TOPAZ1: variants seen among roughly 807,000 people sequenced by gnomAD.
The protein encoded by TOPAZ1 is protein TOPAZ1.
In TOPAZ1, 66 loss-of-function variants were observed where a neutral mutation model predicts 172.2. That is an observed-to-expected ratio of 0.38 (90% confidence interval 0.31 to 0.47). The LOEUF (loss-of-function observed/expected upper bound fraction) is 0.47, where lower values mean the gene tolerates loss of function less well. Ranked by LOEUF, TOPAZ1 falls within the 20% of genes least tolerant of loss-of-function variation. TOPAZ1 has a pLI of 0.99. For missense variants in TOPAZ1, 1,822 were observed against 1,972.4 expected (o/e 0.92, Z 1.44); for synonymous variants, 681 against 683.9 (o/e 1.00, Z 0.07).
At chr3:44,303,920 C>T in intron 12 of TOPAZ1, 95 bp from the exon 13 acceptor site, 2 of 650,888 alleles carry the variant, frequency 3.1e-6, no homozygotes, top group Non-Finnish European at 4.8e-6. Context: ...ATTTTTTCTT[C>T]TGGTTTCTTA....
chr3:44,268,798 G>T (rs537149531), intron 6 of TOPAZ1, among the ~76,000 whole-genome samples: 3 of 152,084 alleles, frequency 2.0e-5, no homozygotes, highest in South Asian at 2.1e-4. Context: ...TCATATTGAG[G>T]GTTAGGGCTT....
At chr3:44,331,224 G>GT (rs1700664728) in intron 19 of TOPAZ1, among the ~76,000 whole-genome samples, 1 of 152,148 alleles carries the variant, frequency 6.6e-6, no homozygotes, top group South Asian at 2.1e-4. Context: ...AATTTAGGGT[G>GT]TTACAACCAG....
intron 15 of TOPAZ1, 66 bp from the exon 16 acceptor site, chr3:44,309,759 T>C (rs1017743070): frequency 2.3e-5 from 27 of 1,163,634 alleles, no homozygotes; most frequent in Non-Finnish European, 2.9e-5. Flanking sequence ...TTGTGAATAA[T>C]TATCAGTGGC....
chr3:44,276,711 T>C (rs557798403), intron 8 of TOPAZ1, among the ~76,000 whole-genome samples: 176 of 149,540 alleles, frequency 1.2e-3, no homozygotes, highest in African/African-American at 4.2e-3. Context: ...TTTAGGGTTG[T>C]TTTTCTATGT....
At chr3:44,290,188 T>C (rs1005762434) in intron 11 of TOPAZ1, among the ~76,000 whole-genome samples, 2 of 152,218 alleles carry the variant, frequency 1.3e-5, no homozygotes, top group Non-Finnish European at 2.9e-5. Flanking sequence ...AAGGCCTGCC[T>C]CTCATTCATC....
At chr3:44,331,299 T>G (rs751082889) in intron 19 of TOPAZ1, among the ~76,000 whole-genome samples, 7 of 150,474 alleles carry the variant, frequency 4.7e-5, no homozygotes, top group Non-Finnish European at 1.0e-4. Context: ...AATTTATTTT[T>G]TATGTATGAA....
intron 2 of TOPAZ1, among the ~76,000 whole-genome samples, chr3:44,246,183 G>A (rs1220617922): frequency 6.6e-6 from 1 of 152,116 alleles, no homozygotes; most frequent in Admixed American, 6.5e-5. Flanking sequence ...CCCTCAAATA[G>A]GACTAGTTTG....
chr3:44,309,312 G>A (rs1700370535), intron 15 of TOPAZ1, among the ~76,000 whole-genome samples: 1 of 152,048 alleles, frequency 6.6e-6, no homozygotes, highest in South Asian at 2.1e-4. Flanking sequence ...TAGGGCAGGG[G>A]TTTCACCACA....
intron 6 of TOPAZ1, among the ~76,000 whole-genome samples, chr3:44,268,363 A>ATT (rs1293339613): frequency 5.4e-5 from 5 of 91,754 alleles, no homozygotes; most frequent in Admixed American, 1.3e-4. Context: ...TGTGGTGCCT[A>ATT]TTCTTTTTTT....
chr3:44,270,787 G>A lies in TOPAZ1; in HGVS notation c.3349G>A (p.Val1117Met). 1 of 1,548,738 alleles carries A rather than the reference G, an allele frequency of 6.5e-7. No individual in the cohort carries two copies. Among genetic ancestry groups the A allele is most frequent in the Non-Finnish European group, 8.7e-7 (1 of 1,145,632 alleles). The change falls in exon 8 of 20, where the codon GTG (valine) becomes ATG (methionine). Residue 1117 changes from valine to methionine, a missense_variant. This residue lies in a region of TOPAZ1 where 1,489 missense variants were observed against 1,490.8 expected (regional missense o/e 1.00). Transcript: ENST00000309765. ...GCGACCACTGTGCAAGTTTGCTCAT[G>A]TGCCTGAACAAGGGGATGAAAAGGT... The part of the protein sequence containing the change: ...CERPLCKFAH[V>M]PEQGDEKVCM...
At chr3:44,330,872 G>T (rs1700660235) in intron 19 of TOPAZ1, among the ~76,000 whole-genome samples, 1 of 152,112 alleles carries the variant, frequency 6.6e-6, no homozygotes, top group African/African-American at 2.4e-5. Context: ...AGATGGCGCT[G>T]GTAGAAAAAT....
intron 6 of TOPAZ1, among the ~76,000 whole-genome samples, chr3:44,268,754 T>C (rs1365404349): frequency 6.6e-6 from 1 of 152,148 alleles, no homozygotes; most frequent in East Asian, 1.9e-4. Flanking sequence ...TTTAACCTGA[T>C]TAACTTCTAT....
intron 2 of TOPAZ1, among the ~76,000 whole-genome samples, chr3:44,252,211 C>A (rs1699642213): frequency 6.6e-6 from 1 of 152,142 alleles, no homozygotes; most frequent in Non-Finnish European, 1.5e-5. Context: ...TAATTAGAGG[C>A]CACAGAAGCA....
chr3:44,252,975 C>T (rs1375472636), intron 2 of TOPAZ1, among the ~76,000 whole-genome samples: 1 of 152,130 alleles, frequency 6.6e-6, no homozygotes, highest in African/African-American at 2.4e-5. Context: ...GTGAAAGTGG[C>T]ATTTAAAATG....
downstream of TOPAZ1, chr3:44,332,112 C>T: frequency 2.6e-6 from 2 of 765,358 alleles, no homozygotes; most frequent in Non-Finnish European, 4.1e-6. Context: ...AGCTCTTTGA[C>T]TTTATTGACT....
intron 8 of TOPAZ1, among the ~76,000 whole-genome samples, chr3:44,271,606 T>A (rs1319689478): frequency 8.5e-5 from 13 of 152,078 alleles, no homozygotes. Flanking sequence ...TTGTATTTTG[T>A]TTTAATTTTT....
intron 18 of TOPAZ1, among the ~76,000 whole-genome samples, chr3:44,325,753 C>T (rs903086166): frequency 6.6e-6 from 1 of 152,000 alleles, no homozygotes; most frequent in Non-Finnish European, 1.5e-5. Context: ...AAGTGATTCT[C>T]CTGCCTCAGC....
chr3:44,295,114 T>C (rs2125695564), intron 12 of TOPAZ1, among the ~76,000 whole-genome samples: 1 of 152,318 alleles, frequency 6.6e-6, no homozygotes, highest in East Asian at 1.9e-4. Flanking sequence ...TCTGATTAAC[T>C]GTAGTTTTTG....
At chr3:44,250,765 G>A (rs534463702) in intron 2 of TOPAZ1, among the ~76,000 whole-genome samples, 130 of 152,248 alleles carry the variant, frequency 8.5e-4, no homozygotes, top group Admixed American at 2.6e-4. Context: ...CCTCTTTAAA[G>A]TAGCAGGTGG....
Sources: allele counts gnomAD v4.1 joint callset (sites outside exome capture counted in the v4.1 genomes callset), GRCh38; gene constraint gnomAD v4.1.1; regional missense constraint gnomAD v4.1.1; transcripts MANE v1.5; gene names NCBI Gene and HGNC (gene_info 2026-07-23, HGNC 2026-07-21).